GPHN: variants seen among roughly 807,000 people sequenced by gnomAD.
The protein encoded by GPHN is gephyrin.
Under a neutral mutation model 95.5 loss-of-function variants are expected in GPHN, and 17 were observed. That is an observed-to-expected ratio of 0.18 (90% confidence interval 0.12 to 0.27). GPHN has a LOEUF of 0.27. GPHN is among the 10% of genes least tolerant of loss of function. GPHN has a pLI of 1.00. For synonymous variants in GPHN, 320 were observed against 322.5 expected, an observed-to-expected ratio of 0.99 and a Z score of 0.08; for missense variants, 660 against 978.1, an observed-to-expected ratio of 0.67 and a Z score of 4.34.
intron 1 of GPHN, among the ~76,000 whole-genome samples, chr14:66,611,481 G>GTT (rs2062781339): frequency 6.6e-6 from 1 of 152,078 alleles, no homozygotes; most frequent in Non-Finnish European, 1.5e-5. Context: ...TGGAATCCTT[G>GTT]CTTTTGCTTT....
intron 5 of GPHN, among the ~76,000 whole-genome samples, chr14:66,901,034 A>C (rs541828391): frequency 1.8e-4 from 27 of 151,964 alleles, no homozygotes; most frequent in Non-Finnish European, 3.8e-4. Flanking sequence ...CTGTTTTCCA[A>C]ATCCTTACCA....
At chr14:67,546,468 G>A in the GPHN span, among the ~76,000 whole-genome samples, 1 of 152,086 alleles carries the variant, frequency 6.6e-6, no homozygotes, top group African/African-American at 2.4e-5. Flanking sequence ...GTGGCCCATT[G>A]CAACCTCCCC....
At chr14:67,682,821 C>A in the GPHN span, among the ~76,000 whole-genome samples, 1 of 152,162 alleles carries the variant, frequency 6.6e-6, no homozygotes, top group Non-Finnish European at 1.5e-5. Context: ...CTAAAAAGTG[C>A]AAACCCAAAT....
the GPHN span, among the ~76,000 whole-genome samples, chr14:67,212,298 G>T: frequency 4.6e-5 from 7 of 151,718 alleles, no homozygotes; most frequent in Admixed American, 4.6e-4. Flanking sequence ...CTTTAAAATG[G>T]CTCCTCTGAC....
intron 2 of GPHN, among the ~76,000 whole-genome samples, chr14:66,733,660 C>G (rs890179347): frequency 6.6e-6 from 1 of 152,008 alleles, no homozygotes; most frequent in African/African-American, 2.4e-5. Context: ...CTTTATTTAT[C>G]AAAGACTAAC....
the GPHN span, chr14:67,584,190 A>G: frequency 1.9e-6 from 3 of 1,546,524 alleles, no homozygotes; most frequent in Non-Finnish European, 2.6e-6. Flanking sequence ...TGTTTGAGCC[A>G]TACCAATTTG....
At chr14:67,377,554 G>C in the GPHN span, among the ~76,000 whole-genome samples, 3 of 152,070 alleles carry the variant, frequency 2.0e-5, no homozygotes, top group Admixed American at 6.6e-5. Flanking sequence ...ACATATCTCT[G>C]TCCCACCTGT....
chr14:67,390,809 T>TATGC, the GPHN span: 1 of 1,153,060 alleles, frequency 8.7e-7, no homozygotes, highest in African/African-American at 1.5e-5. Context: ...CTCCTGTATC[T>TATGC]ATGCATGTAA....
At chr14:67,577,872 A>G in the GPHN span, 1 of 648,154 alleles carries the variant, frequency 1.5e-6, no homozygotes, top group Non-Finnish European at 2.6e-6. Flanking sequence ...TAGTAAGCAG[A>G]GATGCCCTCC....
chr14:66,946,734 A>T (rs1199005445), intron 8 of GPHN, among the ~76,000 whole-genome samples: 1 of 152,172 alleles, frequency 6.6e-6, no homozygotes, highest in Non-Finnish European at 1.5e-5. Context: ...AACCAGTTTT[A>T]TAAGTATATT....
At chr14:66,684,575 T>G (rs1166219870) in intron 2 of GPHN, among the ~76,000 whole-genome samples, 3 of 152,198 alleles carry the variant, frequency 2.0e-5, no homozygotes, top group Non-Finnish European at 4.4e-5. Flanking sequence ...TTACTTTAAC[T>G]GTATAGTACA....
chr14:66,677,338 G>C (rs371896586), intron 1 of GPHN, among the ~76,000 whole-genome samples: 186 of 151,982 alleles, frequency 1.2e-3, no homozygotes, highest in African/African-American at 4.0e-3. Flanking sequence ...CTGGTTTCTT[G>C]AGGTGCTTTG....
intron 2 of GPHN, among the ~76,000 whole-genome samples, chr14:66,765,452 G>A (rs552606831): frequency 6.6e-6 from 1 of 151,994 alleles, no homozygotes; most frequent in South Asian, 2.1e-4. Context: ...AGGAATGAGA[G>A]CATGTCTTTT....
chr14:67,361,435 C>G, the GPHN span, among the ~76,000 whole-genome samples: 1 of 152,276 alleles, frequency 6.6e-6, no homozygotes, highest in South Asian at 2.1e-4. Context: ...TCTTTTTCAA[C>G]TATAATGATG....
the GPHN span, among the ~76,000 whole-genome samples, chr14:67,389,581 C>CAT: frequency 1.3e-5 from 2 of 151,830 alleles, no homozygotes; most frequent in African/African-American, 4.8e-5. Flanking sequence ...TGCATGTGTA[C>CAT]ATATATATGT....
At chr14:67,295,520 GAAA>G in the GPHN span, among the ~76,000 whole-genome samples, 1 of 148,352 alleles carries the variant, frequency 6.7e-6, no homozygotes, top group Admixed American at 6.7e-5. Flanking sequence ...AAATTAATAA[GAAA>G]AAAAGACTAC....
At chr14:67,193,078 ATATC>A in the GPHN span, among the ~76,000 whole-genome samples, 6 of 144,628 alleles carry the variant, frequency 4.1e-5, no homozygotes, top group African/African-American at 7.4e-5. Flanking sequence ...ATATATCCAT[ATATC>A]TATCTATATC....
chr14:67,509,324 CT>C, the GPHN span, among the ~76,000 whole-genome samples: 95,368 of 149,602 alleles, frequency 0.64, 31,816 homozygotes, highest in Non-Finnish European at 0.76. Flanking sequence ...TCAACTCTCT[CT>C]TTTTTTTTTT....
chr14:66,593,237 T>G (rs1217453867), intron 1 of GPHN, among the ~76,000 whole-genome samples: 2 of 151,836 alleles, frequency 1.3e-5, no homozygotes, highest in Non-Finnish European at 2.9e-5. Flanking sequence ...CCATAGCATG[T>G]GTATGTATAC....
Sources: allele counts gnomAD v4.1 joint callset (sites outside exome capture counted in the v4.1 genomes callset), GRCh38; gene constraint gnomAD v4.1.1; transcripts MANE v1.5; gene names NCBI Gene and HGNC (gene_info 2026-07-23, HGNC 2026-07-21).